CCDC60: variants seen among roughly 807,000 people sequenced by gnomAD.
CCDC60 encodes coiled-coil domain-containing protein 60.
A neutral mutation model predicts 63.5 loss-of-function variants in CCDC60; 54 were observed. That is an observed-to-expected ratio of 0.85 (90% CI 0.68 to 1.07). The LOEUF is 1.07. CCDC60 is among the 50% of genes least tolerant of loss of function. CCDC60 has a pLI of 0.00. For synonymous variants in CCDC60, 206 were observed against 238.8 expected (o/e 0.86, Z 1.27); for missense variants, 651 against 684.3 (o/e 0.95, Z 0.54).
chr12:119,498,345 T>G (rs1432545037), intron 5 of CCDC60, among the ~76,000 whole-genome samples: 1 of 152,146 alleles, frequency 6.6e-6, no homozygotes. Context: ...TTTTTTTCTT[T>G]TTTTGAGACG....
intron 1 of CCDC60, among the ~76,000 whole-genome samples, chr12:119,338,154 C>G (rs747010761): frequency 2.8e-4 from 42 of 152,210 alleles, no homozygotes; most frequent in Non-Finnish European, 5.1e-4. Context: ...GTTCCTAGCT[C>G]ACATTCAAAA....
intron 2 of CCDC60, 44 bp from the exon 3 acceptor site, chr12:119,471,950 C>T: frequency 6.4e-7 from 1 of 1,554,624 alleles, no homozygotes; most frequent in Non-Finnish European, 8.8e-7. Context: ...CTCCACCCTC[C>T]CACCTTCCTC....
intron 7 of CCDC60, among the ~76,000 whole-genome samples, chr12:119,507,579 C>CATATAT (rs1952069706): frequency 3.2e-5 from 1 of 31,022 alleles, no homozygotes; most frequent in Non-Finnish European, 4.7e-5. Context: ...TGTATATATA[C>CATATAT]ACATATATAT....
chr12:119,335,258 C>T lies in CCDC60; in HGVS notation c.82C>T (p.Leu28=). The T allele has an allele frequency of 6.3e-7, 1 of 1,598,692 alleles. No individual in the cohort carries two copies. The highest frequency in any genetic ancestry group is 2.3e-5 in the East Asian group (1 of 43,994). Residue 28 remains leucine (L), a synonymous_variant, in exon 1 of 14, where the codon CTA becomes TTA. Transcript: ENST00000327554. ...AVRPFYASEN[L]RQVPDKPMKS... The stretch of plus-strand genomic sequence containing the variant: ...CCGGCCCTTTTATGCCTCGGAGAAC[C>T]TAAGGCAGGTAAGTCTCCCCTCTGC...
intron 2 of CCDC60, among the ~76,000 whole-genome samples, chr12:119,463,020 C>T (rs1208441802): frequency 1.6e-4 from 25 of 152,092 alleles, no homozygotes; most frequent in Admixed American, 1.4e-3. Context: ...GACAGGGTTT[C>T]GCCATGTTGG....
chr12:119,446,326 A>G (rs1262956972), intron 2 of CCDC60, among the ~76,000 whole-genome samples: 2 of 152,208 alleles, frequency 1.3e-5, no homozygotes, highest in African/African-American at 4.8e-5. Context: ...AAGGTCTACT[A>G]TTACACAAGC....
At chr12:119,369,270 A>G (rs375080483) in intron 1 of CCDC60, among the ~76,000 whole-genome samples, 1 of 152,200 alleles carries the variant, frequency 6.6e-6, no homozygotes, top group African/African-American at 2.4e-5. Flanking sequence ...TTTTAAAAAG[A>G]TTTACAAGGC....
chr12:119,372,472 C>G (rs532077296), intron 1 of CCDC60, among the ~76,000 whole-genome samples: 3 of 152,158 alleles, frequency 2.0e-5, no homozygotes, highest in Admixed American at 6.5e-5. Context: ...CCTCCCATAG[C>G]GTGGCTTCCA....
intron 1 of CCDC60, among the ~76,000 whole-genome samples, chr12:119,415,820 A>C (rs1317539076): frequency 6.6e-6 from 1 of 152,240 alleles, no homozygotes; most frequent in Non-Finnish European, 1.5e-5. Context: ...CGCTGTTATA[A>C]CAGGAAAACA....
intron 2 of CCDC60, among the ~76,000 whole-genome samples, chr12:119,461,752 G>A (rs1476756931): frequency 6.6e-6 from 1 of 152,146 alleles, no homozygotes; most frequent in Non-Finnish European, 1.5e-5. Context: ...CAGTGAGCAG[G>A]AGGCCCCAGG....
chr12:119,336,010 C>T (rs528714569), intron 1 of CCDC60, among the ~76,000 whole-genome samples: 164 of 147,020 alleles, frequency 1.1e-3, no homozygotes, highest in African/African-American at 3.8e-3. Context: ...AACCAAACAC[C>T]GCATATTCTC....
chr12:119,439,993 G>A (rs784856), intron 2 of CCDC60, among the ~76,000 whole-genome samples: 80,189 of 151,008 alleles, frequency 0.53, 21,456 homozygotes, highest in East Asian at 0.74. Context: ...GTTCTCACTC[G>A]TAAGAGGGAG....
At chr12:119,513,198 C>T (rs1952259234) in intron 7 of CCDC60, among the ~76,000 whole-genome samples, 1 of 152,200 alleles carries the variant, frequency 6.6e-6, no homozygotes, top group Non-Finnish European at 1.5e-5. Flanking sequence ...TATATATCCA[C>T]ATAAGACAGG....
intron 1 of CCDC60, among the ~76,000 whole-genome samples, chr12:119,373,714 T>TC (rs1173516389): frequency 6.7e-6 from 1 of 149,684 alleles, no homozygotes; most frequent in African/African-American, 2.5e-5. Flanking sequence ...ATGGGGGGCG[T>TC]CCCCCTTCAT....
intron 5 of CCDC60, among the ~76,000 whole-genome samples, chr12:119,493,606 A>C (rs527599317): frequency 1.9e-4 from 29 of 152,198 alleles, no homozygotes; most frequent in Non-Finnish European, 4.1e-4. Context: ...ATCATTTCTC[A>C]GCATCCTTGT....
intron 1 of CCDC60, among the ~76,000 whole-genome samples, chr12:119,360,506 C>G (rs1955773319): frequency 1.4e-5 from 2 of 147,844 alleles, no homozygotes; most frequent in South Asian, 4.4e-4. Flanking sequence ...GGGGCGGCTG[C>G]CGGGCGGAGG....
intron 3 of CCDC60, among the ~76,000 whole-genome samples, chr12:119,473,501 T>A (rs1951109474): frequency 6.6e-6 from 1 of 152,178 alleles, no homozygotes; most frequent in East Asian, 1.9e-4. Flanking sequence ...TGGTGTTTGG[T>A]TACATGAATA....
chr12:119,380,855 A>G (rs1039621099), intron 1 of CCDC60, among the ~76,000 whole-genome samples: 1 of 152,194 alleles, frequency 6.6e-6, no homozygotes, highest in Non-Finnish European at 1.5e-5. Context: ...TTACTTTTAT[A>G]GTTACTTTCT....
chr12:119,450,693 C>G (rs1376637540), intron 2 of CCDC60, among the ~76,000 whole-genome samples: 2 of 152,054 alleles, frequency 1.3e-5, no homozygotes, highest in East Asian at 3.9e-4. Context: ...CCCACCTCTA[C>G]TAAAAATACA....
Sources: gnomAD v4.1 joint callset for allele counts (sites outside exome capture counted in the v4.1 genomes callset) on GRCh38, gnomAD v4.1.1 for gene constraint, MANE v1.5 for transcripts, NCBI Gene and HGNC (gene_info 2026-07-23, HGNC 2026-07-21) for gene names.